The following INSC variants were observed in gnomAD, a reference collection of about 807,000 sequenced individuals.
INSC encodes the protein INSC spindle orientation adaptor protein.
A neutral mutation model predicts 58.6 loss-of-function variants in INSC; 67 were observed. That is an observed-to-expected ratio of 1.14 (90% CI 0.94 to 1.40). INSC has a LOEUF of 1.40. Among genes scored for constraint, INSC ranks in the 40% most tolerant of loss-of-function variants. INSC has a pLI of 0.00. For synonymous variants in INSC, 262 were observed against 276.1 expected, an observed-to-expected ratio of 0.95 and a Z score of 0.51; for missense variants, 714 against 692.0, an observed-to-expected ratio of 1.03 and a Z score of -0.36.
At chr11:15,170,378 A>C (rs895908673) in intron 2 of INSC, among the ~76,000 whole-genome samples, 6 of 151,868 alleles carry the variant, frequency 4.0e-5, no homozygotes, top group Non-Finnish European at 5.9e-5. Flanking sequence ...ACAGTTTTTC[A>C]GTCTGCCTTT....
chr11:15,241,416 C>T (rs1054532892), intron 12 of INSC: 4 of 510,602 alleles, frequency 7.8e-6, no homozygotes, highest in African/African-American at 3.9e-5. Flanking sequence ...GGCGTTGTGC[C>T]GTTGTAGAAA....
intron 7 of INSC, among the ~76,000 whole-genome samples, chr11:15,204,971 A>G (rs1188202368): frequency 1.3e-5 from 2 of 152,180 alleles, no homozygotes; most frequent in East Asian, 3.9e-4. Flanking sequence ...CTGCTGTGTC[A>G]TGCCTGAGCC....
intron 9 of INSC, among the ~76,000 whole-genome samples, chr11:15,234,020 G>A (rs1393430191): frequency 6.6e-6 from 1 of 152,138 alleles, no homozygotes; most frequent in East Asian, 1.9e-4. Flanking sequence ...CTTAAAAAGT[G>A]CAAAAACAAG....
intron 2 of INSC, among the ~76,000 whole-genome samples, chr11:15,152,520 T>G (rs896664960): frequency 3.3e-5 from 5 of 152,230 alleles, no homozygotes; most frequent in Admixed American, 3.3e-4. Flanking sequence ...ATCTTTCCCC[T>G]TTAATCATTA....
chr11:15,221,246 T>C (rs924965112), intron 7 of INSC, among the ~76,000 whole-genome samples: 1 of 151,974 alleles, frequency 6.6e-6, no homozygotes, highest in Non-Finnish European at 1.5e-5. Flanking sequence ...CCATGAAAGG[T>C]TACTGATCTC....
In INSC at chr11:15,235,627, C is replaced by T. The variant is rs774820190; in HGVS notation, c.1196C>T (p.Ser399Phe). Residue 399 changes from serine (S) to phenylalanine (F), a missense_variant, in exon 10 of 13, where the codon TCT (serine) becomes TTT (phenylalanine). Transcript: ENST00000379556. ...ATTGTGACCATCTTGGCAAACATGT[C>T]TGTCCTAGAACAGTGTGCCTCTGAC... ...DQIVTILANM[S>F]VLEQCASDII... The T allele has an allele frequency of 2.2e-5, 35 of 1,613,902 alleles. No homozygotes were observed. Among genetic ancestry groups the T allele is most frequent in the Non-Finnish European group, 2.8e-5 (33 of 1,179,874 alleles).
intron 8 of INSC, among the ~76,000 whole-genome samples, chr11:15,223,727 A>G (rs1006252697): frequency 3.3e-5 from 5 of 152,188 alleles, no homozygotes; most frequent in Admixed American, 1.3e-4. Context: ...GGTGGCCTGG[A>G]AGGGGCTGGG....
At chr11:15,139,407 G>C (rs1848317963) in intron 1 of INSC, among the ~76,000 whole-genome samples, 1 of 152,240 alleles carries the variant, frequency 6.6e-6, no homozygotes, top group South Asian at 2.1e-4. Flanking sequence ...CATTTGAGCA[G>C]TTGGCAAACA....
intron 1 of INSC, among the ~76,000 whole-genome samples, chr11:15,131,174 T>A (rs1590340155): frequency 6.6e-6 from 1 of 152,136 alleles, no homozygotes; most frequent in East Asian, 1.9e-4. Flanking sequence ...AAGTCTATAA[T>A]TTTTGTTCTC....
intron 2 of INSC, among the ~76,000 whole-genome samples, chr11:15,154,726 G>T (rs952859183): frequency 9.9e-5 from 15 of 152,152 alleles, no homozygotes; most frequent in African/African-American, 3.6e-4. Flanking sequence ...GGATGAGGAG[G>T]TAGACAAAAG....
At chr11:15,232,969 G>A (rs562713672) in intron 9 of INSC, among the ~76,000 whole-genome samples, 2 of 152,272 alleles carry the variant, frequency 1.3e-5, no homozygotes, top group East Asian at 1.9e-4. Context: ...TTCTAGAACT[G>A]CAAGATAAAA....
At chr11:15,216,657 A>G (rs1375554219) in intron 7 of INSC, among the ~76,000 whole-genome samples, 1 of 152,240 alleles carries the variant, frequency 6.6e-6, no homozygotes, top group Non-Finnish European at 1.5e-5. Context: ...CTCCCATTTT[A>G]AAAGTCCTGG....
chr11:15,113,096 CTCTT>C (rs1326737469), upstream of INSC, among the ~76,000 whole-genome samples: 1 of 114,928 alleles, frequency 8.7e-6, no homozygotes, highest in South Asian at 3.0e-4. Context: ...TCCTTCCTTC[CTCTT>C]TCTTTCTTTT....
chr11:15,183,672 C>T (rs1164113738), intron 5 of INSC, among the ~76,000 whole-genome samples: 2 of 152,086 alleles, frequency 1.3e-5, no homozygotes, highest in African/African-American at 4.8e-5. Context: ...CACACTCATC[C>T]CTAGGATGTG....
chr11:15,232,040 T>A (rs1348522698), intron 9 of INSC, among the ~76,000 whole-genome samples: 1 of 152,242 alleles, frequency 6.6e-6, no homozygotes, highest in Non-Finnish European at 1.5e-5. Context: ...ACCAGTGACA[T>A]GGGAGGTCCC....
At chr11:15,235,576 T>C (rs766613270) in intron 9 of INSC, 26 bp from the exon 10 acceptor site, 5 of 1,595,800 alleles carry the variant, frequency 3.1e-6, no homozygotes, top group Non-Finnish European at 4.3e-6. Context: ...GCTCATTTTC[T>C]GAGGTTTCTA....
At chr11:15,154,743 C>A (rs1180433320) in intron 2 of INSC, among the ~76,000 whole-genome samples, 1 of 152,094 alleles carries the variant, frequency 6.6e-6, no homozygotes. Context: ...AAAGTATCCC[C>A]AGGGACCCTT....
chr11:15,259,853 C>T, the INSC span, among the ~76,000 whole-genome samples: 6 of 152,132 alleles, frequency 3.9e-5, no homozygotes, highest in African/African-American at 1.4e-4. Flanking sequence ...ATTATAATTG[C>T]TGGGTTAAAA....
chr11:15,145,743 C>T (rs996042743), intron 1 of INSC, among the ~76,000 whole-genome samples: 6 of 152,184 alleles, frequency 3.9e-5, no homozygotes, highest in African/African-American at 1.4e-4. Context: ...GCAGTGTTTG[C>T]TTTTCTTCCT....
Sources: allele counts gnomAD v4.1 joint callset (sites outside exome capture counted in the v4.1 genomes callset), GRCh38; gene constraint gnomAD v4.1.1; transcripts MANE v1.5; gene names NCBI Gene and HGNC (gene_info 2026-07-23, HGNC 2026-07-21).